FSTL4: variants seen among roughly 807,000 people sequenced by gnomAD.
The protein encoded by FSTL4 is follistatin like 4.
FSTL4 carries 28 observed loss-of-function variants against 78.2 expected under a neutral mutation model. That is an observed-to-expected ratio of 0.36 (90% CI 0.27 to 0.49). The LOEUF (loss-of-function observed/expected upper bound fraction) is 0.49, where lower values mean the gene tolerates loss of function less well. Ranked by LOEUF, FSTL4 falls within the 20% of genes least tolerant of loss-of-function variation. The pLI is 0.98. For synonymous variants in FSTL4, 422 were observed against 440.5 expected, an observed-to-expected ratio of 0.96 and a Z score of 0.53; for missense variants, 922 against 1,084.9, an observed-to-expected ratio of 0.85 and a Z score of 2.11.
At chr5:133,399,596 T>G (rs1005491512) in intron 4 of FSTL4, among the ~76,000 whole-genome samples, 8 of 152,182 alleles carry the variant, frequency 5.3e-5, no homozygotes, top group Non-Finnish European at 1.0e-4. Flanking sequence ...TGTGTCAGCA[T>G]CATACCATCC....
At chr5:133,691,562 T>A in the FSTL4 span, among the ~76,000 whole-genome samples, 17 of 152,150 alleles carry the variant, frequency 1.1e-4, no homozygotes, top group African/African-American at 4.1e-4. Context: ...CTTGCTTCTA[T>A]CCCAAGAAGG....
In FSTL4 at chr5:133,440,942, A is replaced by T. The variant is rs1178603774; in HGVS notation, c.161-39956T>A. ...CAGGGCCAGCCCTGCTCCTGAGGAT[A>T]GTCAGAAAAAGGAAGAAAACACTCC... On this transcript the variant is annotated intron_variant, in intron 3 of 15. Transcript: ENST00000265342. This position sits in a 1 kb window ranked among gnomAD's most constrained non-coding sequence, Gnocchi z 4.1. Among the ~76,000 whole-genome samples, 1 of 152,166 alleles carries T rather than the reference A, an allele frequency of 6.6e-6. No homozygotes were observed. The highest frequency in any genetic ancestry group is 2.4e-5 in the African/African-American group (1 of 41,444).
chr5:133,417,185 C>T (rs79540019), intron 3 of FSTL4, among the ~76,000 whole-genome samples: 33 of 152,186 alleles, frequency 2.2e-4, no homozygotes, highest in Non-Finnish European at 3.7e-4. Context: ...CAGAGAAGAA[C>T]AAGCCTTTAG....
At chr5:133,342,098 G>A (rs1345865785) in intron 4 of FSTL4, among the ~76,000 whole-genome samples, 2 of 152,190 alleles carry the variant, frequency 1.3e-5, no homozygotes, top group Admixed American at 6.5e-5. Context: ...TCAGGCAGAC[G>A]AGTGGCAGGA....
chr5:133,273,598 A>T (rs1397886078), intron 6 of FSTL4, among the ~76,000 whole-genome samples: 1 of 152,198 alleles, frequency 6.6e-6, no homozygotes, highest in Non-Finnish European at 1.5e-5. Context: ...GGTGCAGAAC[A>T]GTGGATACTG....
chr5:133,631,302 G>GAAAA, the FSTL4 span, among the ~76,000 whole-genome samples: 1 of 143,396 alleles, frequency 7.0e-6, no homozygotes, highest in Admixed American at 6.9e-5. Context: ...ACATTTACAA[G>GAAAA]AAAAAAAAAA....
chr5:133,251,459 G>A (rs1752236192), intron 6 of FSTL4, among the ~76,000 whole-genome samples: 1 of 152,104 alleles, frequency 6.6e-6, no homozygotes, highest in South Asian at 2.1e-4. Context: ...ACTGAAGCTT[G>A]AGAAACTTAA....
chr5:133,794,400 C>T, the FSTL4 span, among the ~76,000 whole-genome samples: 1 of 152,212 alleles, frequency 6.6e-6, no homozygotes, highest in East Asian at 1.9e-4. Flanking sequence ...TGTGGCTGAC[C>T]AAGGCCATGC....
At chr5:133,427,659 A>T (rs115216563) in intron 3 of FSTL4, 1 of 530,578 alleles carries the variant, frequency 1.9e-6, no homozygotes. Context: ...TCTGTTCAGT[A>T]GTTCTGAGGC....
At chr5:133,384,462 T>A (rs186378418) in intron 4 of FSTL4, among the ~76,000 whole-genome samples, 5 of 152,338 alleles carry the variant, frequency 3.3e-5, no homozygotes, top group African/African-American at 4.8e-5. Context: ...GACTTGTACT[T>A]CTGCTTAGAC....
chr5:133,757,997 C>T, the FSTL4 span, among the ~76,000 whole-genome samples: 3 of 152,174 alleles, frequency 2.0e-5, no homozygotes, highest in Non-Finnish European at 4.4e-5. Flanking sequence ...TGCACACACT[C>T]TTAATACACA....
chr5:133,489,053 T>C (rs967010221), intron 3 of FSTL4, among the ~76,000 whole-genome samples: 8 of 141,306 alleles, frequency 5.7e-5, no homozygotes, highest in Admixed American at 3.6e-4. Context: ...TGCTATTAGA[T>C]GGTTGACTCC....
chr5:133,802,217 C>T, the FSTL4 span, among the ~76,000 whole-genome samples: 6 of 152,304 alleles, frequency 3.9e-5, no homozygotes, highest in South Asian at 2.1e-4. Flanking sequence ...CCTGGCACAC[C>T]GTAGGTTTTC....
At chr5:133,370,671 C>T (rs1223210857) in intron 4 of FSTL4, among the ~76,000 whole-genome samples, 1 of 151,878 alleles carries the variant, frequency 6.6e-6, no homozygotes, top group Non-Finnish European at 1.5e-5. Flanking sequence ...GTCCCGCCAG[C>T]TGGAGAGAAG....
chr5:133,228,566 C>A (rs1049768726), intron 8 of FSTL4, among the ~76,000 whole-genome samples: 1 of 152,136 alleles, frequency 6.6e-6, no homozygotes, highest in South Asian at 2.1e-4. Context: ...AAAGAACATA[C>A]TGTGGGCAAG....
intron 3 of FSTL4, among the ~76,000 whole-genome samples, chr5:133,526,775 C>G (rs11741183): frequency 0.34 from 52,161 of 151,898 alleles, 9,291 homozygotes; most frequent in Admixed American, 0.45. Flanking sequence ...GGGATGAATG[C>G]GAAACAGGAG....
chr5:133,292,599 A>G (rs1245110527), intron 6 of FSTL4, among the ~76,000 whole-genome samples: 2 of 152,046 alleles, frequency 1.3e-5, no homozygotes, highest in East Asian at 3.8e-4. Context: ...TCATCATTTG[A>G]GACTCTCATG....
rs776155365 is a variant in FSTL4 at position 133,437,575 on chromosome 5, C to T, written c.161-36589G>A. On this transcript the variant is annotated intron_variant, in intron 3 of 15. Coordinates refer to ENST00000265342, the MANE Select transcript of FSTL4 (RefSeq NM_015082.2). ...TGCAATCTTGGCTCACTGCAACCTC[C>T]GCCTACTGGGCTCAAGTGATTCTCC... Among the ~76,000 whole-genome samples the T allele has an allele frequency of 4.3e-4, 64 of 149,510 alleles. 1 individual carries two copies. The highest frequency in any genetic ancestry group is 7.1e-4 in the Non-Finnish European group (48 of 67,526).
intron 12 of FSTL4, among the ~76,000 whole-genome samples, chr5:133,219,566 C>T (rs1751026789): frequency 6.6e-6 from 1 of 152,236 alleles, no homozygotes; most frequent in African/African-American, 2.4e-5. Context: ...ATCTCCTACT[C>T]ACCAGCCCTT....
Sources: gnomAD v4.1 joint callset for allele counts (sites outside exome capture counted in the v4.1 genomes callset) on GRCh38, gnomAD v4.1.1 for gene constraint, Gnocchi (gnomAD v3.1) non-coding constraint, MANE v1.5 for transcripts, NCBI Gene and HGNC (gene_info 2026-07-23, HGNC 2026-07-21) for gene names.